C8orf88: variants seen among roughly 807,000 people sequenced by gnomAD.
C8orf88 encodes the protein chromosome 8 open reading frame 88.
Under a neutral mutation model 18.4 loss-of-function variants are expected in C8orf88, and 14 were observed. The ratio of observed to expected loss-of-function variants is 0.76; its 90% CI spans 0.50 to 1.19. C8orf88 has a LOEUF of 1.19. Among genes scored for constraint, C8orf88 ranks in the 50% most tolerant of loss-of-function variants. The pLI is 0.00. For synonymous variants in C8orf88, 45 were observed against 42.9 expected (o/e 1.05, Z -0.19); for missense variants, 116 against 134.7 (o/e 0.86, Z 0.69).
chr8:90,973,166 A>T (rs1455742344), intron 3 of C8orf88, among the ~76,000 whole-genome samples: 1 of 152,158 alleles, frequency 6.6e-6, no homozygotes, highest in African/African-American at 2.4e-5. Flanking sequence ...AGAAAGTACA[A>T]TAAAAGGACT....
At chr8:90,980,308 A>G (rs908830332) in intron 2 of C8orf88, 55 bp downstream of exon 2, 5 of 1,079,398 alleles carry the variant, frequency 4.6e-6, no homozygotes, top group Non-Finnish European at 6.3e-6. Flanking sequence ...CTTTTCAAAT[A>G]CTAATTAGTC....
intron 3 of C8orf88, among the ~76,000 whole-genome samples, chr8:90,973,189 C>T (rs113225918): frequency 6.6e-5 from 10 of 152,200 alleles, no homozygotes; most frequent in African/African-American, 2.4e-4. Flanking sequence ...GTCAGGGTAT[C>T]GAACTTGGCT....
At chr8:90,970,997 A>G in intron 4 of C8orf88, 69 bp downstream of exon 4, 2 of 878,208 alleles carry the variant, frequency 2.3e-6, no homozygotes, top group Non-Finnish European at 3.4e-6. Context: ...TAAGTGATAA[A>G]GTAATATTAA....
At chr8:90,960,977 A>G (rs1811119421) in intron 4 of C8orf88, 129 bp from the exon 5 acceptor site, 2 of 426,862 alleles carry the variant, frequency 4.7e-6, no homozygotes, top group Non-Finnish European at 8.1e-6. Flanking sequence ...TATGCAAAAG[A>G]GAAGGAGAAA....
At chr8:90,970,962 A>G in intron 4 of C8orf88, 104 bp downstream of exon 4, 1 of 610,024 alleles carries the variant, frequency 1.6e-6, no homozygotes, top group Non-Finnish European at 2.6e-6. Flanking sequence ...AAAATATATA[A>G]TAAAATTTCA....
intron 3 of C8orf88, among the ~76,000 whole-genome samples, chr8:90,977,952 A>T (rs1254753791): frequency 6.6e-6 from 1 of 152,172 alleles, no homozygotes; most frequent in African/African-American, 2.4e-5. Flanking sequence ...CATCTCAAAA[A>T]CAAAACAAAA....
intron 1 of C8orf88, among the ~76,000 whole-genome samples, chr8:90,980,997 G>GGTCTT (rs936524732): frequency 2.6e-5 from 4 of 152,016 alleles, no homozygotes; most frequent in Non-Finnish European, 5.9e-5. Flanking sequence ...ATTTGGCTTT[G>GGTCTT]GTCTTCTTAG....
chr8:90,976,201 A>T (rs1399408022), intron 3 of C8orf88, among the ~76,000 whole-genome samples: 1 of 152,064 alleles, frequency 6.6e-6, no homozygotes, highest in African/African-American at 2.4e-5. Flanking sequence ...GAAGATTTTC[A>T]TTGTGGGGTT....
intron 1 of C8orf88, among the ~76,000 whole-genome samples, chr8:90,984,423 C>T (rs1474507162): frequency 6.6e-6 from 1 of 152,150 alleles, no homozygotes; most frequent in Non-Finnish European, 1.5e-5. Context: ...AAATAAACCA[C>T]CTATGACTCA....
chr8:90,968,338 C>T (rs954675172), intron 4 of C8orf88, among the ~76,000 whole-genome samples: 1 of 151,486 alleles, frequency 6.6e-6, no homozygotes, highest in African/African-American at 2.4e-5. Context: ...AAAAGAATAG[C>T]CTGTTTTACA....
At chr8:90,961,773 A>ATGTTT (rs1811131363) in intron 4 of C8orf88, among the ~76,000 whole-genome samples, 1 of 151,488 alleles carries the variant, frequency 6.6e-6, no homozygotes, top group South Asian at 2.1e-4. Context: ...AAGCCACCAC[A>ATGTTT]GATAATATAT....
intron 4 of C8orf88, among the ~76,000 whole-genome samples, chr8:90,968,657 CATAT>C (rs34558575): frequency 0.054 from 3,967 of 72,844 alleles, 556 homozygotes; most frequent in African/African-American, 0.19. Context: ...GAAAAGACAA[CATAT>C]ATATATATAT....
chr8:90,961,612 T>C (rs1811127869), intron 4 of C8orf88, among the ~76,000 whole-genome samples: 1 of 151,342 alleles, frequency 6.6e-6, no homozygotes, highest in Non-Finnish European at 1.5e-5. Context: ...GCTAAAGGAA[T>C]TTCTACAGGC....
At chr8:90,975,759 T>C (rs112345925) in intron 3 of C8orf88, among the ~76,000 whole-genome samples, 11 of 152,180 alleles carry the variant, frequency 7.2e-5, no homozygotes, top group African/African-American at 2.4e-4. Context: ...AAACTTACTA[T>C]ATGATCTATC....
At chr8:90,978,454 C>G in intron 3 of C8orf88, 125 bp downstream of exon 3, 2 of 449,372 alleles carry the variant, frequency 4.5e-6, no homozygotes, top group Non-Finnish European at 7.5e-6. Flanking sequence ...GTTACATTAT[C>G]TTTAACATAT....
intron 4 of C8orf88, among the ~76,000 whole-genome samples, chr8:90,964,876 A>G (rs1811172721): frequency 6.6e-6 from 1 of 151,552 alleles, no homozygotes; most frequent in South Asian, 2.1e-4. Flanking sequence ...TAGGAACATA[A>G]AAAATATAGT....
chr8:90,959,121 G>T (rs1213246668), intron 5 of C8orf88, 91 bp from the exon 6 acceptor site: 1 of 563,466 alleles, frequency 1.8e-6, no homozygotes, highest in East Asian at 3.4e-5. Flanking sequence ...GAACGTACCA[G>T]GTGTTTACAG....
At chr8:90,977,258 C>T (rs1338508702) in intron 3 of C8orf88, among the ~76,000 whole-genome samples, 1 of 152,152 alleles carries the variant, frequency 6.6e-6, no homozygotes, top group Non-Finnish European at 1.5e-5. Flanking sequence ...CTCTGTCTCA[C>T]CCAATGTTCA....
At chr8:90,971,341 T>C (rs1381898272) in intron 3 of C8orf88, among the ~76,000 whole-genome samples, 200 bp from the exon 4 acceptor site, 1 of 152,046 alleles carries the variant, frequency 6.6e-6, no homozygotes, top group Non-Finnish European at 1.5e-5. Context: ...TACAGTTTTT[T>C]TGGCATTATT....
Sources: allele counts gnomAD v4.1 joint callset (sites outside exome capture counted in the v4.1 genomes callset), GRCh38; gene constraint gnomAD v4.1.1; transcripts MANE v1.5; gene names NCBI Gene and HGNC (gene_info 2026-07-23, HGNC 2026-07-21).